SNTB1: variants seen among roughly 807,000 people sequenced by gnomAD.
SNTB1 encodes the protein syntrophin beta 1.
In SNTB1, 36 loss-of-function variants were observed where a neutral mutation model predicts 48.9. The ratio of observed to expected loss-of-function variants is 0.74; its 90% CI spans 0.56 to 0.97. The LOEUF (loss-of-function observed/expected upper bound fraction) is 0.97. SNTB1 is among the 50% of genes least tolerant of loss of function. The probability of loss-of-function intolerance (pLI) is 0.00; values close to 1 mark genes in which losing one functional copy is unlikely to be tolerated. For missense variants in SNTB1, 786 were observed against 703.4 expected, an observed-to-expected ratio of 1.12 and a Z score of -1.33; for synonymous variants, 299 against 294.6, an observed-to-expected ratio of 1.01 and a Z score of -0.15.
At chr8:120,563,743 C>G (rs188276970) in intron 4 of SNTB1, among the ~76,000 whole-genome samples, 1 of 152,280 alleles carries the variant, frequency 6.6e-6, no homozygotes, top group African/African-American at 2.4e-5. Context: ...TTGTGCTGAA[C>G]GAAGCTCCCT....
At chr8:120,640,862 T>C (rs1817182696) in intron 2 of SNTB1, among the ~76,000 whole-genome samples, 1 of 152,146 alleles carries the variant, frequency 6.6e-6, no homozygotes, top group South Asian at 2.1e-4. Context: ...TCTGCCAGGC[T>C]TTGGTATCAG....
At chr8:120,811,206 C>A in intron 1 of SNTB1, 67 bp downstream of exon 1, 1 of 1,521,192 alleles carries the variant, frequency 6.6e-7, no homozygotes, top group Non-Finnish European at 8.8e-7. Flanking sequence ...TGAGTGTGAG[C>A]GTGCGGGTGG....
chr8:120,654,696 A>G lies in SNTB1; in HGVS notation c.789-22045T>C, dbSNP rs1003200482. ...GATCATTTGGCAAAACTCACAATAAAAGAGTAATTTTCTTCCCCTCTTGCT... is the reference window on the plus strand; with the variant it reads ...GATCATTTGGCAAAACTCACAATAAGAGAGTAATTTTCTTCCCCTCTTGCT... On this transcript the variant is annotated intron_variant, in intron 2 of 6. Transcript: ENST00000517992. 7.9e-5 allele frequency among the ~76,000 whole-genome samples: 12 copies of G among 152,176 alleles called. No individual in the cohort carries two copies. The East Asian group carries it at 2.3e-3, about 29-fold the overall frequency.
chr8:120,544,044 G>C (rs1815336704), intron 5 of SNTB1, among the ~76,000 whole-genome samples: 2 of 151,266 alleles, frequency 1.3e-5, no homozygotes, highest in Non-Finnish European at 2.9e-5. Flanking sequence ...TTCCGCCTCA[G>C]TCTCCTGAGT....
At chr8:120,563,536 ATGT>A (rs1352837235) in intron 4 of SNTB1, among the ~76,000 whole-genome samples, 1 of 152,186 alleles carries the variant, frequency 6.6e-6, no homozygotes, top group Non-Finnish European at 1.5e-5. Context: ...CACCAGGAAC[ATGT>A]TGTGAGCATT....
At chr8:120,613,572 T>A (rs1408195135) in intron 3 of SNTB1, among the ~76,000 whole-genome samples, 1 of 152,188 alleles carries the variant, frequency 6.6e-6, no homozygotes, top group Non-Finnish European at 1.5e-5. Context: ...ACTGCTAGTA[T>A]ACAGTAATGT....
intron 1 of SNTB1, among the ~76,000 whole-genome samples, chr8:120,741,992 A>C (rs1327092681): frequency 2.0e-5 from 3 of 152,212 alleles, no homozygotes; most frequent in South Asian, 4.1e-4. Context: ...TAAGAGATAC[A>C]GAAGTAGCCA....
intron 1 of SNTB1, among the ~76,000 whole-genome samples, chr8:120,803,393 A>G (rs1224607547): frequency 1.3e-5 from 2 of 152,220 alleles, no homozygotes; most frequent in Admixed American, 6.5e-5. Context: ...GCTAAAGGCA[A>G]GCATCATTAT....
Position 120,602,228 on chromosome 8 carries a change from T to C in SNTB1, c.997-27003A>G, listed in dbSNP as rs140649062. Among the ~76,000 whole-genome samples the C allele has an allele frequency of 2.6e-3, 398 of 152,332 alleles. 2 individuals are homozygous for C. Among genetic ancestry groups the C allele is most frequent in the African/African-American group, 8.9e-3 (368 of 41,574 alleles). ...AATCACAAGCCAGTTCACACACAGG[T>C]GAGTGTGCAAATGGAAACAAACTTT... On this transcript the variant is annotated intron_variant, in intron 3 of 6. Transcript: ENST00000517992.
chr8:120,587,715 G>A lies in SNTB1; in HGVS notation c.997-12490C>T, dbSNP rs556536822. On this transcript the variant is annotated intron_variant, in intron 3 of 6. Coordinates refer to ENST00000517992, the MANE Select transcript of SNTB1 (RefSeq NM_021021.4). ...ATGTGCTCTCTCACGGACCTTCTTC[G>A]CTCACCCATGGCTCCAATTCCCATT... is the stretch of plus-strand genomic sequence containing the variant. 1.1e-3 allele frequency among the ~76,000 whole-genome samples: 170 copies of A among 152,274 alleles called. 1 individual carries two copies. Among genetic ancestry groups the A allele is most frequent in the South Asian group, 2.5e-3 (12 of 4,814 alleles).
chr8:120,763,859 G>A (rs1481675435), intron 1 of SNTB1, among the ~76,000 whole-genome samples: 1 of 151,934 alleles, frequency 6.6e-6, no homozygotes. Context: ...GTCTTGTTAT[G>A]TTGTCCAGGC....
At chr8:120,605,424 C>T (rs1816498138) in intron 3 of SNTB1, among the ~76,000 whole-genome samples, 1 of 152,148 alleles carries the variant, frequency 6.6e-6, no homozygotes, top group African/African-American at 2.4e-5. Flanking sequence ...GTGATATTAC[C>T]ACGTCTAACT....
chr8:120,537,925 A>G lies in SNTB1; in HGVS notation c.*952T>C, dbSNP rs1735202942. On this transcript the variant is annotated 3_prime_UTR_variant, in exon 7 of 7. Transcript: ENST00000517992. ...TACTTGCTTGAAAATGCATGCATAC[A>G]AGCACAGGCAAAAACAAGGGTCAGT... The G allele has an allele frequency of 6.6e-6, 1 of 152,216 alleles. No individual in the cohort carries two copies. Among genetic ancestry groups the G allele is most frequent in the African/African-American group, 2.4e-5 (1 of 41,452 alleles). 9.4% of individuals were successfully genotyped at this position (152,216 alleles called of 1,614,324 possible).
In SNTB1 at chr8:120,640,956, A is replaced by G. The variant is rs181980255; in HGVS notation, c.789-8305T>C. On this transcript the variant is annotated intron_variant, in intron 2 of 6. Transcript: ENST00000517992. ...AATAGTTTCAGAAGGAATGGTACCA[A>G]CTCCTCCTTGTACCTCTGGTAGAAT... is the stretch of plus-strand genomic sequence containing the variant. 6.6e-3 allele frequency among the ~76,000 whole-genome samples: 993 copies of G among 151,390 alleles called. 13 individuals carry two copies. The Middle Eastern group carries it at 0.075, about 11-fold the overall frequency.
chr8:120,693,164 G>A (rs6985437), intron 2 of SNTB1, among the ~76,000 whole-genome samples: 148,049 of 152,200 alleles, frequency 0.97, 72,045 homozygotes, highest in East Asian at 1. Flanking sequence ...CTCACTCACT[G>A]CCTCGGGGCG....
At chr8:120,781,092 C>T (rs1226642747) in intron 1 of SNTB1, among the ~76,000 whole-genome samples, 1 of 152,152 alleles carries the variant, frequency 6.6e-6, no homozygotes, top group Non-Finnish European at 1.5e-5. Context: ...GAATGAGACT[C>T]CAAAAGAGGT....
rs1027216539 is a variant in SNTB1, at chr8:120,538,626, C to T, written c.*251G>A. 1.8e-6 allele frequency: 1 copy of T among 566,228 alleles called. No individual in the cohort carries two copies. Among genetic ancestry groups the T allele is most frequent in the African/African-American group, 1.9e-5 (1 of 53,852 alleles). The allele number at this position is 566,228 out of a possible 1,614,324, so 35.1% of individuals were successfully genotyped here. ...AAGCTATGCTGTGTATTTCCCGTCA[C>T]CTCACCTCTTTAACCTTGTACTGTT... On this transcript the variant is annotated 3_prime_UTR_variant, in exon 7 of 7. Transcript: ENST00000517992.
At chr8:120,646,501 C>T (rs1817299859) in intron 2 of SNTB1, among the ~76,000 whole-genome samples, 1 of 149,802 alleles carries the variant, frequency 6.7e-6, no homozygotes, top group Admixed American at 6.7e-5. Flanking sequence ...AGCCTTGCAT[C>T]CCAGGGATGA....
chr8:120,658,992 C>A lies in SNTB1; in HGVS notation c.789-26341G>T, dbSNP rs927428841. ...TTTTTTTCTTTTCCTGAGACAAAGT[C>A]TCACTCTGTCTCCCAGGCTGGATTA... On this transcript the variant is annotated intron_variant, in intron 2 of 6. Coordinates refer to ENST00000517992, the MANE Select transcript of SNTB1 (RefSeq NM_021021.4). Among the ~76,000 whole-genome samples the A allele has an allele frequency of 8.0e-4, 119 of 148,990 alleles. 2 individuals are homozygous for A. The highest frequency in any genetic ancestry group is 2.7e-3 in the African/African-American group (109 of 40,524).
Sources: gnomAD v4.1 joint callset for allele counts (sites outside exome capture counted in the v4.1 genomes callset) on GRCh38, gnomAD v4.1.1 for gene constraint, MANE v1.5 for transcripts, NCBI Gene and HGNC (gene_info 2026-07-23, HGNC 2026-07-21) for gene names.